Variants in RTN4 observed in about 807,000 individuals in gnomAD.
RTN4 encodes reticulon 4.
In RTN4, 32 loss-of-function variants were observed where a neutral mutation model predicts 90.4. The ratio of observed to expected loss-of-function variants is 0.35; its 90% CI spans 0.27 to 0.48. The LOEUF is 0.48. Ranked by LOEUF, RTN4 falls within the 20% of genes least tolerant of loss-of-function variation. RTN4 has a pLI of 0.99. For missense variants in RTN4, 1,706 were observed against 1,430.2 expected (o/e 1.19, Z -3.11); for synonymous variants, 629 against 552.5 (o/e 1.14, Z -1.94).
At chr2:55,025,011 A>C in intron 3 of RTN4, 75 bp downstream of exon 3, 1 of 1,491,876 alleles carries the variant, frequency 6.7e-7, no homozygotes, top group Non-Finnish European at 9.0e-7. Flanking sequence ...ATAATATAAA[A>C]CACAAAATGT....
chr2:55,107,822 A>C (rs1667970348), intron 1 of RTN4, among the ~76,000 whole-genome samples: 1 of 152,128 alleles, frequency 6.6e-6, no homozygotes, highest in African/African-American at 2.4e-5. Context: ...GAGATTGTGA[A>C]TAGTTCTGCA....
At chr2:55,004,861 A>G (rs1159813589) in intron 3 of RTN4, among the ~76,000 whole-genome samples, 1 of 152,078 alleles carries the variant, frequency 6.6e-6, no homozygotes, top group South Asian at 2.1e-4. Context: ...TTAGGGGGGA[A>G]AAAAAAGTAC....
intron 1 of RTN4, among the ~76,000 whole-genome samples, chr2:55,044,771 A>T (rs1683302646): frequency 8.7e-6 from 1 of 114,668 alleles, no homozygotes; most frequent in Non-Finnish European, 1.7e-5. Context: ...GATTTGAGAG[A>T]GTTTGCAAAT....
chr2:55,064,208 A>AG (rs1176950154), intron 2 of RTN4, among the ~76,000 whole-genome samples: 1 of 151,470 alleles, frequency 6.6e-6, no homozygotes, highest in African/African-American at 2.4e-5. Flanking sequence ...ATGTCTTAAA[A>AG]AAAAAAAAAG....
chr2:55,134,844 G>C, the RTN4 span, among the ~76,000 whole-genome samples: 2 of 152,172 alleles, frequency 1.3e-5, no homozygotes, highest in Non-Finnish European at 2.9e-5. Context: ...CCAGTCCTGA[G>C]GAGGAAACAA....
At chr2:55,050,658 C>T, upstream of RTN4, 1 of 186,556 alleles carries the variant, frequency 5.4e-6, no homozygotes, top group Non-Finnish European at 1.1e-5. The surrounding 1 kb of genome is among the most constrained non-coding windows in gnomAD (Gnocchi z 4.6). Flanking sequence ...ACCAGCCGGG[C>T]CAACAGAAAG....
the RTN4 span, among the ~76,000 whole-genome samples, chr2:55,121,657 G>A: frequency 2.0e-5 from 3 of 152,190 alleles, no homozygotes; most frequent in South Asian, 2.1e-4. Context: ...TATTGTCATC[G>A]ACCATTATTC....
At chr2:55,088,962 C>T (rs989927527) in intron 1 of RTN4, among the ~76,000 whole-genome samples, 20 of 152,076 alleles carry the variant, frequency 1.3e-4, no homozygotes, top group Admixed American at 4.6e-4. Flanking sequence ...GATGGAGTCT[C>T]GTTCTTGTTG....
At chr2:55,002,776 C>G (rs893679908) in intron 3 of RTN4, among the ~76,000 whole-genome samples, 4 of 152,154 alleles carry the variant, frequency 2.6e-5, no homozygotes, top group Non-Finnish European at 5.9e-5. Context: ...CCTGCACTCA[C>G]TTTAACGATT....
chr2:55,023,329 C>T (rs1187127584), intron 3 of RTN4, among the ~76,000 whole-genome samples: 4 of 152,164 alleles, frequency 2.6e-5, no homozygotes, highest in Non-Finnish European at 5.9e-5. Context: ...TAATACAATG[C>T]CTTTGGTTTC....
In RTN4 at chr2:55,033,323, A is replaced by C. The variant is rs539564376; in HGVS notation, c.557-5103T>G. On this transcript the variant is annotated intron_variant, in intron 1 of 8. Coordinates refer to ENST00000337526, the MANE Select transcript of RTN4 (RefSeq NM_020532.5). ...TGAACGCCTTTAAAGTTATGAAAAA[A>C]CTGACAATCTAAAATTATATACAGA... 8.5e-5 allele frequency among the ~76,000 whole-genome samples: 13 copies of C among 152,298 alleles called. No homozygotes were observed. In the South Asian group the frequency reaches 2.5e-3, roughly 29 times the overall value.
chr2:55,088,929 A>G (rs911847190), intron 1 of RTN4, among the ~76,000 whole-genome samples: 2 of 151,974 alleles, frequency 1.3e-5, no homozygotes, highest in African/African-American at 4.8e-5. Flanking sequence ...AGGGTTATTT[A>G]TTTATTTATT....
At chr2:55,074,842 A>G (rs1273438868) in intron 2 of RTN4, among the ~76,000 whole-genome samples, 1 of 152,226 alleles carries the variant, frequency 6.6e-6, no homozygotes, top group Non-Finnish European at 1.5e-5. Flanking sequence ...TGATTATCTC[A>G]AGAGATGCAG....
At chr2:55,099,105 G>T (rs1667805365) in intron 1 of RTN4, among the ~76,000 whole-genome samples, 2 of 152,194 alleles carry the variant, frequency 1.3e-5, no homozygotes, top group South Asian at 4.1e-4. Context: ...TTACTCCTTT[G>T]TTGTTTAGTG....
intron 5 of RTN4, among the ~76,000 whole-genome samples, chr2:54,978,553 A>C (rs1677858203): frequency 6.6e-6 from 1 of 152,120 alleles, no homozygotes; most frequent in Non-Finnish European, 1.5e-5. Context: ...TTATAGAGAT[A>C]CTTCTTTCAA....
chr2:55,036,666 T>C lies in RTN4; in HGVS notation c.557-8446A>G, dbSNP rs191928690. ...AGTTTTTTTAAATCATATAATGAAA[T>C]TCACTATAGTAACAACAGCCCGAAA... On this transcript the variant is annotated intron_variant, in intron 1 of 8. Coordinates refer to ENST00000337526, the MANE Select transcript of RTN4 (RefSeq NM_020532.5). Among the ~76,000 whole-genome samples the C allele has an allele frequency of 4.7e-5, 7 of 148,776 alleles. No homozygotes were observed. In the East Asian group the frequency reaches 1.4e-3, roughly 29 times the overall value.
intron 2 of RTN4, among the ~76,000 whole-genome samples, chr2:55,065,621 A>G (rs942308211): frequency 1.3e-5 from 2 of 152,156 alleles, no homozygotes; most frequent in African/African-American, 4.8e-5. Flanking sequence ...CGCTAATATA[A>G]CTCAACCCTA....
intron 1 of RTN4, among the ~76,000 whole-genome samples, chr2:55,088,849 A>G (rs1668887857): frequency 6.6e-6 from 1 of 152,234 alleles, no homozygotes; most frequent in South Asian, 2.1e-4. Context: ...AGGGCTCCTC[A>G]TTAGACAACA....
At chr2:55,028,654 T>A (rs1178899817) in intron 1 of RTN4, among the ~76,000 whole-genome samples, 5 of 152,240 alleles carry the variant, frequency 3.3e-5, no homozygotes, top group African/African-American at 1.2e-4. Flanking sequence ...GTTATTGGCA[T>A]ATATTCAATT....
Sources: allele counts gnomAD v4.1 joint callset (sites outside exome capture counted in the v4.1 genomes callset), GRCh38; gene constraint gnomAD v4.1.1; non-coding constraint Gnocchi (gnomAD v3.1); transcripts MANE v1.5; gene names NCBI Gene and HGNC (gene_info 2026-07-23, HGNC 2026-07-21).